The following B4GALNT3 variants were observed in gnomAD, a reference collection of about 807,000 sequenced individuals.
The protein encoded by B4GALNT3 is beta-1,4-N-acetyl-galactosaminyltransferase 3.
A neutral mutation model predicts 120.2 loss-of-function variants in B4GALNT3; 86 were observed. The observed-to-expected ratio is 0.72, with a 90% CI of 0.60 to 0.86. B4GALNT3 has a LOEUF of 0.86. B4GALNT3 is among the 40% of genes least tolerant of loss of function. The pLI, the probability that B4GALNT3 is intolerant of heterozygous loss-of-function variation, is 0.00. For missense variants in B4GALNT3, 1,167 were observed against 1,298.9 expected (o/e 0.90, Z 1.56); for synonymous variants, 518 against 510.4 (o/e 1.01, Z -0.20).
chr12:477,999 T>G (rs1347959936), intron 1 of B4GALNT3, among the ~76,000 whole-genome samples: 1 of 152,174 alleles, frequency 6.6e-6, no homozygotes, highest in Admixed American at 6.5e-5. Flanking sequence ...CCTGCAATCC[T>G]GGCACTTTCA....
intron 16 of B4GALNT3, 100 bp downstream of exon 16, chr12:557,861 T>C: frequency 1.3e-6 from 2 of 1,491,088 alleles, no homozygotes; most frequent in Non-Finnish European, 1.8e-6. Flanking sequence ...TGCCCAGCCT[T>C]CCTGATTCCT....
In B4GALNT3 at chr12:535,289, A is replaced by T. The variant is rs776916968; in HGVS notation, c.273+20A>T. 6.2e-7 allele frequency: 1 copy of T among 1,606,448 alleles called. No individual in the cohort carries two copies. The highest frequency in any genetic ancestry group is 2.2e-5 in the East Asian group (1 of 44,806). On this transcript the variant is annotated intron_variant, in intron 2 of 19. Transcript: ENST00000266383. ...CTCGAGGTAGGTGACCAGCCAGTCCATTGTCCCTGCTGATGCCTTAACAAA... is the reference window on the plus strand; with the variant it reads ...CTCGAGGTAGGTGACCAGCCAGTCCTTTGTCCCTGCTGATGCCTTAACAAA...
intron 1 of B4GALNT3, among the ~76,000 whole-genome samples, chr12:479,811 G>C (rs907433735): frequency 6.6e-6 from 1 of 151,442 alleles, no homozygotes; most frequent in African/African-American, 2.4e-5. Context: ...TTTCTCTCTC[G>C]TTTTTGCTCA....
intron 1 of B4GALNT3, among the ~76,000 whole-genome samples, chr12:511,359 C>G (rs375875346): frequency 0.028 from 2,703 of 95,394 alleles, no homozygotes; most frequent in Admixed American, 0.076. Context: ...TTCCACCTTC[C>G]ACCTTCAACC....
At chr12:518,331 C>T (rs1016615955) in intron 1 of B4GALNT3, among the ~76,000 whole-genome samples, 21 of 152,286 alleles carry the variant, frequency 1.4e-4, no homozygotes, top group African/African-American at 4.8e-4. Flanking sequence ...TCCAGAATTC[C>T]CCATGGATAC....
chr12:510,302 C>T (rs978104050), intron 1 of B4GALNT3, among the ~76,000 whole-genome samples: 1 of 152,142 alleles, frequency 6.6e-6, no homozygotes, highest in Admixed American at 6.5e-5. Flanking sequence ...TAGCTGCCTG[C>T]TGGCTTTGTA....
chr12:511,238 T>A lies in B4GALNT3; in HGVS notation c.170-23928T>A, dbSNP rs1946547064. On this transcript the variant is annotated intron_variant, in intron 1 of 19. Transcript: ENST00000266383. ...TTTTGGTACCTTCCACCATCCACCT[T>A]CCACCTTCCGCCTTCTGCCTTCCGC... 2.7e-5 allele frequency among the ~76,000 whole-genome samples: 4 copies of A among 150,256 alleles called. No homozygotes were observed. In the Admixed American group the frequency reaches 2.7e-4, roughly 10 times the overall value.
At chr12:464,311 G>A (rs1423236415) in intron 1 of B4GALNT3, among the ~76,000 whole-genome samples, 1 of 152,174 alleles carries the variant, frequency 6.6e-6, no homozygotes, top group Admixed American at 6.5e-5. Flanking sequence ...TATTGGATCA[G>A]CAAAGATTCT....
intron 1 of B4GALNT3, among the ~76,000 whole-genome samples, chr12:470,690 C>T (rs73590340): frequency 0.083 from 12,593 of 152,150 alleles, 1,038 homozygotes; most frequent in African/African-American, 0.22. Flanking sequence ...AATGAGGGAA[C>T]GAAATGGAGG....
chr12:519,492 G>A (rs1946685621), intron 1 of B4GALNT3, among the ~76,000 whole-genome samples: 1 of 152,082 alleles, frequency 6.6e-6, no homozygotes, highest in Non-Finnish European at 1.5e-5. Flanking sequence ...AATGTTCACC[G>A]CTGGCAGAAC....
rs193028812 is a variant in B4GALNT3, at chr12:481,262, C to T, written c.169+20717C>T. Among the ~76,000 whole-genome samples the T allele has an allele frequency of 4.3e-4, 66 of 152,304 alleles. 1 individual carries two copies. Among genetic ancestry groups the T allele is most frequent in the Non-Finnish European group, 7.1e-4 (48 of 68,030 alleles). On this transcript the variant is annotated intron_variant, in intron 1 of 19. Coordinates refer to ENST00000266383, the MANE Select transcript of B4GALNT3 (RefSeq NM_173593.4). Reference sequence around the variant, plus strand: ...ACTAAGGGGATGAGCATCCCCGTGGCGTTCTGTGTAATGGGAATAATGGCC... The same window carrying T: ...ACTAAGGGGATGAGCATCCCCGTGGTGTTCTGTGTAATGGGAATAATGGCC...
intron 1 of B4GALNT3, among the ~76,000 whole-genome samples, chr12:464,930 G>A (rs1290298180): frequency 1.3e-5 from 2 of 152,202 alleles, no homozygotes; most frequent in South Asian, 4.1e-4. Context: ...GGCCACCACA[G>A]CCGTTCTGAT....
chr12:488,415 A>G (rs574667585), intron 1 of B4GALNT3, among the ~76,000 whole-genome samples: 28 of 152,336 alleles, frequency 1.8e-4, no homozygotes, highest in Non-Finnish European at 2.9e-5. Flanking sequence ...TTGATCTAAC[A>G]GATAGGTTTA....
chr12:555,935 C>T (rs972092081), intron 14 of B4GALNT3, among the ~76,000 whole-genome samples: 1 of 151,362 alleles, frequency 6.6e-6, no homozygotes, highest in Non-Finnish European at 1.5e-5. Flanking sequence ...AGGTGCCCAC[C>T]ACCACACCTG....
Position 460,274 on chromosome 12 carries a change from G to A in B4GALNT3, c.-103G>A, listed in dbSNP as rs1946006497. ...GACGGCCTCGGCGCAGCCCTGAGAC[G>A]CTGGGCCGGGACGCGGGGCGCCCTG... On this transcript the variant is annotated 5_prime_UTR_variant, in exon 1 of 20. Transcript: ENST00000266383. This position sits in a 1 kb window ranked among gnomAD's most constrained non-coding sequence, Gnocchi z 8.0. The A allele has an allele frequency of 3.4e-6, 3 of 870,122 alleles. No homozygotes were observed. Among genetic ancestry groups the A allele is most frequent in the East Asian group, 1.2e-4 (1 of 8,136 alleles). 53.9% of individuals were successfully genotyped at this position (870,122 alleles called of 1,614,324 possible). A position where few individuals can be genotyped will look rare whatever the true frequency, so the allele number is the denominator to read the frequency against.
At chr12:476,804 C>A (rs1592012820) in intron 1 of B4GALNT3, among the ~76,000 whole-genome samples, 2 of 152,266 alleles carry the variant, frequency 1.3e-5, no homozygotes, top group South Asian at 4.1e-4. Flanking sequence ...ACAGGGTGGA[C>A]CCCAGGGGTG....
At chr12:540,783 G>A (rs1210956800) in intron 3 of B4GALNT3, among the ~76,000 whole-genome samples, 9 of 151,572 alleles carry the variant, frequency 5.9e-5, no homozygotes, top group East Asian at 1.9e-4. Flanking sequence ...TCGCTCTGTC[G>A]CCCAGGATGG....
chr12:470,963 A>G (rs1477523758), intron 1 of B4GALNT3, among the ~76,000 whole-genome samples: 2 of 151,748 alleles, frequency 1.3e-5, no homozygotes, highest in Non-Finnish European at 2.9e-5. Flanking sequence ...TCCTGACCTC[A>G]GGTGATGCGC....
intron 1 of B4GALNT3, among the ~76,000 whole-genome samples, chr12:528,572 G>T (rs1428613587): frequency 6.6e-6 from 1 of 152,220 alleles, no homozygotes; most frequent in Non-Finnish European, 1.5e-5. Context: ...TAGCCACACA[G>T]CCTGGCTCTG....
Sources: allele counts gnomAD v4.1 joint callset (sites outside exome capture counted in the v4.1 genomes callset), GRCh38; gene constraint gnomAD v4.1.1; non-coding constraint Gnocchi (gnomAD v3.1); transcripts MANE v1.5; gene names NCBI Gene and HGNC (gene_info 2026-07-23, HGNC 2026-07-21).